Variants in PTPRT observed in about 807,000 individuals in gnomAD.
PTPRT encodes the protein receptor-type tyrosine-protein phosphatase T.
PTPRT carries 56 observed loss-of-function variants against 176.8 expected under a neutral mutation model. The observed-to-expected ratio is 0.32, with a 90% CI of 0.26 to 0.40. PTPRT has a LOEUF of 0.40. Ranked by LOEUF, PTPRT falls within the 10% of genes least tolerant of loss-of-function variation. The pLI, the probability that PTPRT is intolerant of heterozygous loss-of-function variation, is 1.00. For missense variants in PTPRT, 1,540 were observed against 1,908.2 expected (o/e 0.81, Z 3.60); for synonymous variants, 783 against 739.0 (o/e 1.06, Z -0.96).
intron 13 of PTPRT, among the ~76,000 whole-genome samples, chr20:42,257,636 TCCCCCCA>T (rs2056666531): frequency 4.5e-4 from 3 of 6,662 alleles, no homozygotes; most frequent in African/African-American, 2.4e-3. Context: ...GTGTAGCACC[TCCCCCCA>T]CCCCCCCCCC....
intron 1 of PTPRT, among the ~76,000 whole-genome samples, chr20:42,896,364 C>T (rs147009893): frequency 7.9e-5 from 12 of 152,174 alleles, no homozygotes; most frequent in East Asian, 5.8e-4. Flanking sequence ...GTGCCAGGCG[C>T]GATGGCTCAT....
intron 7 of PTPRT, among the ~76,000 whole-genome samples, chr20:42,491,810 T>C (rs2071565550): frequency 6.6e-6 from 1 of 152,170 alleles, no homozygotes; most frequent in Non-Finnish European, 1.5e-5. Context: ...AAGACACTTA[T>C]GCTATCTTTT....
At chr20:42,947,099 T>C (rs2146005784) in intron 1 of PTPRT, among the ~76,000 whole-genome samples, 1 of 152,238 alleles carries the variant, frequency 6.6e-6, no homozygotes, top group South Asian at 2.1e-4. Context: ...TTAGGTGAAT[T>C]AGAATCAACT....
chr20:42,678,264 A>G (rs1427959407), intron 6 of PTPRT, 105 bp from the exon 7 acceptor site: 1 of 1,101,594 alleles, frequency 9.1e-7, no homozygotes, highest in Non-Finnish European at 1.3e-6. Flanking sequence ...AGCCACAAAA[A>G]AAATAGTCAG....
intron 1 of PTPRT, among the ~76,000 whole-genome samples, chr20:43,027,973 A>T (rs1331388512): frequency 1.3e-5 from 2 of 152,198 alleles, no homozygotes; most frequent in African/African-American, 4.8e-5. Context: ...CGTCACCCTA[A>T]GAAACACTTA....
intron 2 of PTPRT, among the ~76,000 whole-genome samples, chr20:42,850,385 G>A (rs149103515): frequency 3.3e-5 from 5 of 152,294 alleles, no homozygotes; most frequent in Admixed American, 2.0e-4. Flanking sequence ...TCATTTTAAC[G>A]TCCGAACCGG....
chr20:43,189,839 G>A lies in PTPRT; in HGVS notation c.-106C>T, dbSNP rs1010972739. 64 of 498,442 alleles carry A rather than the reference G, an allele frequency of 1.3e-4. No individual in the cohort carries two copies. Among genetic ancestry groups the A allele is most frequent in the Admixed American group, 3.9e-4 (6 of 15,496 alleles). The allele number at this position is 498,442 out of a possible 1,614,324, so 30.9% of individuals were successfully genotyped here. A position where few individuals can be genotyped will look rare whatever the true frequency, so the allele number is the denominator to read the frequency against. On this transcript the variant is annotated 5_prime_UTR_variant, in exon 1 of 31. Coordinates refer to ENST00000373187, the MANE Select transcript of PTPRT (RefSeq NM_007050.6). This position sits in a 1 kb window ranked among gnomAD's most constrained non-coding sequence, Gnocchi z 5.0. ...GCCGGCGCGGCCGCTGGCTGTGCGC[G>A]CGGCTGGCTCCGCTCGGGCTCCCGG... is the stretch of plus-strand genomic sequence containing the variant.
intron 21 of PTPRT, among the ~76,000 whole-genome samples, chr20:42,118,002 G>A (rs1323895066): frequency 6.6e-6 from 1 of 152,156 alleles, no homozygotes; most frequent in Non-Finnish European, 1.5e-5. Flanking sequence ...GTGTTAGGCT[G>A]AGCCATAGGA....
chr20:43,054,376 A>T (rs1485845146), intron 1 of PTPRT, among the ~76,000 whole-genome samples: 1 of 152,084 alleles, frequency 6.6e-6, no homozygotes, highest in Non-Finnish European at 1.5e-5. Context: ...CAACACGGCG[A>T]AACTTCGTCT....
intron 1 of PTPRT, among the ~76,000 whole-genome samples, chr20:42,982,711 G>A (rs1460781069): frequency 6.6e-6 from 1 of 152,138 alleles, no homozygotes; most frequent in East Asian, 1.9e-4. Flanking sequence ...CAAGGACCTG[G>A]TTGCCTCCCA....
At chr20:42,160,452 A>T (rs562468563) in intron 17 of PTPRT, among the ~76,000 whole-genome samples, 1 of 151,398 alleles carries the variant, frequency 6.6e-6, no homozygotes, top group African/African-American at 2.4e-5. Flanking sequence ...TTGAAACAAA[A>T]AGAGTGAGAT....
chr20:43,113,735 T>A (rs1186487927), intron 1 of PTPRT, among the ~76,000 whole-genome samples: 1 of 152,232 alleles, frequency 6.6e-6, no homozygotes, highest in East Asian at 1.9e-4. Context: ...TTGGGGTTAC[T>A]GCTGAGGCTG....
chr20:42,941,730 G>C (rs1980565923), intron 1 of PTPRT, among the ~76,000 whole-genome samples: 1 of 152,126 alleles, frequency 6.6e-6, no homozygotes, highest in South Asian at 2.1e-4. Context: ...AACTTCACAG[G>C]CTGTTCTTAG....
At chr20:42,989,556 C>G (rs1245822687) in intron 1 of PTPRT, among the ~76,000 whole-genome samples, 4 of 152,174 alleles carry the variant, frequency 2.6e-5, no homozygotes, top group African/African-American at 9.7e-5. Context: ...GGAAATGTGT[C>G]ACCCTAGAAA....
chr20:42,937,590 C>A (rs2145985510), intron 1 of PTPRT, among the ~76,000 whole-genome samples: 1 of 152,300 alleles, frequency 6.6e-6, no homozygotes, highest in Non-Finnish European at 1.5e-5. Flanking sequence ...TCCAGTTCAC[C>A]TTGTGGAGCC....
rs2073592116 is a variant in PTPRT at position 42,592,189 on chromosome 20, A to T, written c.1153+85677T>A. Among the ~76,000 whole-genome samples the T allele has an allele frequency of 4.0e-5, 6 of 150,040 alleles. No individual in the cohort carries two copies. In the South Asian group the frequency reaches 1.3e-3, roughly 32 times the overall value. ...GACGGGTTTCACCGTGTTAGCCAGG[A>T]TGTTCTCGATCTCCTGACCTCGTGA... On this transcript the variant is annotated intron_variant, in intron 7 of 30. Transcript: ENST00000373187.
intron 13 of PTPRT, among the ~76,000 whole-genome samples, chr20:42,274,375 T>C (rs2056990142): frequency 6.6e-6 from 1 of 152,216 alleles, no homozygotes; most frequent in Non-Finnish European, 1.5e-5. Flanking sequence ...TACTGGGAGT[T>C]GGGTATTAGC....
rs752454448 is a variant in PTPRT at position 42,161,378 on chromosome 20, C to T, written c.2656G>A (p.Gly886Ser). Reference protein sequence around the residue: ...QHITQMKRGQGYGFKEEYEAL... With the variant: ...QHITQMKRGQSYGFKEEYEAL... ...TCGTATTCCTCCTTGAACCCGTAGC[C>T]CTGGCCTCTCTTCATCTGCGTGATG... is the stretch of plus-strand genomic sequence containing the variant. The change falls in exon 17 of 31, where the codon GGC becomes AGC. Residue 886 changes from glycine (G) to serine (S), a missense_variant. Gly to Ser is a moderately conservative substitution (Grantham distance 56, BLOSUM62 0). This residue lies in a region of PTPRT where 255 missense variants were observed against 250.1 expected (regional missense o/e 1.02). Transcript: ENST00000373187. The T allele has an allele frequency of 6.2e-7, 1 of 1,614,116 alleles. No homozygotes were observed. The highest frequency in any genetic ancestry group is 1.1e-5 in the South Asian group (1 of 91,082).
intron 1 of PTPRT, among the ~76,000 whole-genome samples, chr20:43,043,464 G>A (rs1045570116): frequency 6.6e-6 from 1 of 152,168 alleles, no homozygotes; most frequent in Non-Finnish European, 1.5e-5. Context: ...TAAATAATTT[G>A]TCTGAATTAT....
Sources: gnomAD v4.1 joint callset for allele counts (sites outside exome capture counted in the v4.1 genomes callset) on GRCh38, gnomAD v4.1.1 for gene constraint, gnomAD v4.1.1 regional missense constraint, Gnocchi (gnomAD v3.1) non-coding constraint, MANE v1.5 for transcripts, NCBI Gene and HGNC (gene_info 2026-07-23, HGNC 2026-07-21) for gene names.